The following TXNDC12 variants were observed in gnomAD, a reference collection of about 807,000 sequenced individuals.
TXNDC12 encodes thioredoxin domain containing 12.
TXNDC12 carries 22 observed loss-of-function variants against 24.2 expected under a neutral mutation model. The ratio of observed to expected loss-of-function variants is 0.91; its 90% CI spans 0.65 to 1.30. The LOEUF is 1.30. Ranked by LOEUF, TXNDC12 falls within the 50% of genes most tolerant of loss-of-function variation. The pLI is 0.00. For synonymous variants in TXNDC12, 58 were observed against 73.4 expected (o/e 0.79, Z 1.07); for missense variants, 184 against 205.8 (o/e 0.89, Z 0.65).
At chr1:52,052,780 C>T (rs916548849) in intron 1 of TXNDC12, 1 of 152,124 alleles carries the variant, frequency 6.6e-6, no homozygotes, top group African/African-American at 2.4e-5. Flanking sequence ...ATACAAAATA[C>T]CTGATTCCAA....
chr1:52,044,375 G>A (rs997581175), intron 1 of TXNDC12: 7 of 152,326 alleles, frequency 4.6e-5, no homozygotes, highest in South Asian at 4.1e-4. Flanking sequence ...GTGATTCCAC[G>A]TGAGTGGTAC....
chr1:52,033,731 A>G, intron 2 of TXNDC12: 5 of 1,607,362 alleles, frequency 3.1e-6, no homozygotes, highest in Non-Finnish European at 4.2e-6. Context: ...TTGCCGCTGT[A>G]CGGCAGCCCG....
intron 1 of TXNDC12, chr1:52,052,480 C>T (rs1050202438): frequency 4.1e-5 from 7 of 169,528 alleles, no homozygotes; most frequent in Non-Finnish European, 7.3e-5. Context: ...ACCTTGTTCT[C>T]TTATGGCACG....
intron 2 of TXNDC12, among the ~76,000 whole-genome samples, chr1:52,039,319 G>A (rs1433440387): frequency 3.3e-5 from 5 of 151,468 alleles, no homozygotes; most frequent in Non-Finnish European, 5.9e-5. Context: ...ATATGCAAGA[G>A]TTGTAAGAGA....
chr1:52,026,558 A>C (rs1207317002), intron 4 of TXNDC12, among the ~76,000 whole-genome samples: 1 of 152,230 alleles, frequency 6.6e-6, no homozygotes, highest in Non-Finnish European at 1.5e-5. Context: ...TTACAAAGAC[A>C]TAAAACATGT....
chr1:52,020,309 C>T lies in TXNDC12; in HGVS notation c.*624G>A. On this transcript the variant is annotated 3_prime_UTR_variant, in exon 7 of 7. Transcript: ENST00000371626. Reference sequence around the variant, plus strand: ...GCTTCCACCTGGAGCCGAGTCCAAGCACACAGCCAGTCCTGCACACGCATG... The same window carrying T: ...GCTTCCACCTGGAGCCGAGTCCAAGTACACAGCCAGTCCTGCACACGCATG... 2.5e-6 allele frequency: 1 copy of T among 398,384 alleles called. No individual in the cohort carries two copies. Among genetic ancestry groups the T allele is most frequent in the Non-Finnish European group, 4.9e-6 (1 of 202,306 alleles). 24.7% of individuals were successfully genotyped at this position (398,384 alleles called of 1,614,324 possible). A position where few individuals can be genotyped will look rare whatever the true frequency, so the allele number is the denominator to read the frequency against.
At chr1:52,025,481 G>A (rs1013982668) in intron 4 of TXNDC12, among the ~76,000 whole-genome samples, 8 of 152,320 alleles carry the variant, frequency 5.3e-5, no homozygotes, top group Admixed American at 4.6e-4. Flanking sequence ...GCCTCCCAAA[G>A]TGCTGGGATC....
rs1229275355 is a variant in TXNDC12 at position 52,046,866 on chromosome 1, A to AAATATATAT, written c.98-5270_98-5269insATATATATT. On this transcript the variant is annotated intron_variant, in intron 1 of 6. Coordinates refer to ENST00000371626, the MANE Select transcript of TXNDC12 (RefSeq NM_015913.4). Reference sequence around the variant, plus strand: ...CCCCATCTCTACTAAAAAAAAAAAAAATATATATATATATATATATATATA... The same window carrying AAATATATAT: ...CCCCATCTCTACTAAAAAAAAAAAAAAATATATATATATATATATATATATATATATATA... Among the ~76,000 whole-genome samples, 47 of 30,158 alleles carry AAATATATAT rather than the reference A, an allele frequency of 1.6e-3. No homozygotes were observed. In the East Asian group the frequency reaches 0.018, roughly 11 times the overall value. 19.8% of individuals were successfully genotyped at this position (30,158 alleles called of 152,430 possible).
In TXNDC12 at chr1:52,020,352, T is replaced by G; in HGVS notation, c.*581A>C. ...CACGCATGCGTGCAAACAGGGAAGC[T>G]CAAGCATGAGAAGAGGAAAGAGGCT... On this transcript the variant is annotated 3_prime_UTR_variant, in exon 7 of 7. Coordinates refer to ENST00000371626, the MANE Select transcript of TXNDC12 (RefSeq NM_015913.4). 2.5e-6 allele frequency: 1 copy of G among 396,968 alleles called. No homozygotes were observed. Among genetic ancestry groups the G allele is most frequent in the Non-Finnish European group, 4.9e-6 (1 of 202,690 alleles). The allele number at this position is 396,968 out of a possible 1,614,324, so 24.6% of individuals were successfully genotyped here.
In TXNDC12 at chr1:52,022,765, C is replaced by T. The variant is rs373771019; in HGVS notation, c.439+726G>A. ...ACGCCATTCTCCTGCCTCAGCCTCCCGAGTAGCTGGGACTACAGGCACCTG... is the reference window on the plus strand; with the variant it reads ...ACGCCATTCTCCTGCCTCAGCCTCCTGAGTAGCTGGGACTACAGGCACCTG... On this transcript the variant is annotated intron_variant, in intron 6 of 6. Coordinates refer to ENST00000371626, the MANE Select transcript of TXNDC12 (RefSeq NM_015913.4). Among the ~76,000 whole-genome samples, 701 of 151,756 alleles carry T rather than the reference C, an allele frequency of 4.6e-3. 24 individuals are homozygous for T. The East Asian group carries it at 0.073, about 16-fold the overall frequency.
chr1:52,042,464 C>CT (rs3075033), intron 1 of TXNDC12, among the ~76,000 whole-genome samples: 18,436 of 140,600 alleles, frequency 0.13, 1,442 homozygotes, highest in African/African-American at 0.22. Context: ...TATACTTTCA[C>CT]TTTTTTTTTT....
chr1:52,033,991 G>A, intron 2 of TXNDC12: 4 of 1,403,378 alleles, frequency 2.9e-6, no homozygotes, highest in Non-Finnish European at 3.7e-6. Flanking sequence ...AATGTTATAG[G>A]CCTCAGGAGA....
At chr1:52,055,262 T>G, upstream of TXNDC12, 2 of 597,430 alleles carry the variant, frequency 3.3e-6, no homozygotes, top group East Asian at 2.9e-5. Context: ...GGGTGGTGCC[T>G]CCGGGGTCCG....
chr1:52,046,198 C>T (rs944545518), intron 1 of TXNDC12, among the ~76,000 whole-genome samples: 2 of 53,696 alleles, frequency 3.7e-5, no homozygotes, highest in Admixed American at 2.6e-4. Flanking sequence ...GATTCTGTCT[C>T]GAAAAAAAAA....
chr1:52,039,962 C>T (rs544372446), intron 2 of TXNDC12, among the ~76,000 whole-genome samples: 2 of 151,672 alleles, frequency 1.3e-5, no homozygotes, highest in African/African-American at 2.4e-5. Flanking sequence ...GACAGAGTCT[C>T]GCTTTGTCTC....
At position 52,055,191 on chromosome 1, in the gene TXNDC12, C is replaced by A; in HGVS notation, c.-95G>T. The A allele has an allele frequency of 1.2e-6, 1 of 806,802 alleles. No homozygotes were observed. The highest frequency in any genetic ancestry group is 2.1e-6 in the Non-Finnish European group (1 of 476,190). 50.0% of individuals were successfully genotyped at this position (806,802 alleles called of 1,614,324 possible). A position where few individuals can be genotyped will look rare whatever the true frequency, so the allele number is the denominator to read the frequency against. ...GTTCGCCGAGCGCCGCTCAGCACAA[C>A]ACCTCTACTTCCCAGATTTTTTTTT... On this transcript the variant is annotated 5_prime_UTR_variant, in exon 1 of 7. Coordinates refer to ENST00000371626, the MANE Select transcript of TXNDC12 (RefSeq NM_015913.4).
intron 4 of TXNDC12, among the ~76,000 whole-genome samples, chr1:52,025,834 T>C (rs1381132093): frequency 2.6e-5 from 4 of 151,620 alleles, no homozygotes; most frequent in Admixed American, 2.0e-4. Context: ...TTTTTTTTTT[T>C]TTTTCTCTTT....
chr1:52,055,371 T>G, upstream of TXNDC12: 3 of 426,936 alleles, frequency 7.0e-6, no homozygotes, highest in Non-Finnish European at 1.3e-5. Flanking sequence ...GGTGTCCAGG[T>G]CCCGGGACGG....
chr1:52,021,790 C>T (rs17106967), intron 6 of TXNDC12, among the ~76,000 whole-genome samples: 8,057 of 152,182 alleles, frequency 0.053, 228 homozygotes, highest in South Asian at 0.064. Flanking sequence ...AAAGCCAAAC[C>T]ATAAGCTCAT....
Sources: allele counts gnomAD v4.1 joint callset (sites outside exome capture counted in the v4.1 genomes callset), GRCh38; gene constraint gnomAD v4.1.1; transcripts MANE v1.5; gene names NCBI Gene and HGNC (gene_info 2026-07-23, HGNC 2026-07-21).